GHR: variants seen among roughly 807,000 people sequenced by gnomAD.
GHR encodes the protein growth hormone receptor.
Under a neutral mutation model 67.1 loss-of-function variants are expected in GHR, and 35 were observed. The observed-to-expected ratio is 0.52, with a 90% CI of 0.40 to 0.69. The LOEUF is 0.69. GHR is among the 30% of genes least tolerant of loss of function. The pLI is 0.00. For missense variants in GHR, 792 were observed against 764.6 expected, an observed-to-expected ratio of 1.04 and a Z score of -0.42; for synonymous variants, 272 against 269.1, an observed-to-expected ratio of 1.01 and a Z score of -0.10.
intron 3 of GHR, among the ~76,000 whole-genome samples, chr5:42,675,357 A>T (rs548476300): frequency 6.6e-6 from 1 of 152,336 alleles, no homozygotes; most frequent in South Asian, 2.1e-4. Flanking sequence ...CTGACAGAAT[A>T]GTGTCCCCAC....
At chr5:42,481,903 C>T (rs1411192839) in intron 1 of GHR, among the ~76,000 whole-genome samples, 1 of 152,162 alleles carries the variant, frequency 6.6e-6, no homozygotes, top group African/African-American at 2.4e-5. Context: ...ATTCTCCATC[C>T]ATCTTTGTTC....
intron 4 of GHR, among the ~76,000 whole-genome samples, chr5:42,691,162 C>T (rs1757405004): frequency 6.6e-6 from 1 of 152,188 alleles, no homozygotes; most frequent in South Asian, 2.1e-4. Flanking sequence ...AAGGATGCTG[C>T]TGAAAGTGTG....
chr5:42,541,476 G>A (rs1384668703), intron 1 of GHR, among the ~76,000 whole-genome samples: 2 of 151,978 alleles, frequency 1.3e-5, no homozygotes, highest in African/African-American at 4.8e-5. Flanking sequence ...GTGAGAGTGG[G>A]GTTGGGAAAA....
intron 1 of GHR, among the ~76,000 whole-genome samples, chr5:42,509,686 C>A (rs1293581094): frequency 6.6e-6 from 1 of 151,848 alleles, no homozygotes; most frequent in African/African-American, 2.4e-5. Flanking sequence ...GTTGTCACCC[C>A]AACTTCTATT....
intron 2 of GHR, among the ~76,000 whole-genome samples, chr5:42,586,292 A>G (rs1751471548): frequency 6.6e-6 from 1 of 152,202 alleles, no homozygotes; most frequent in African/African-American, 2.4e-5. Flanking sequence ...AATATTTAGA[A>G]GAAAAGAAAA....
At chr5:42,431,844 G>T (rs114334239) in intron 1 of GHR, among the ~76,000 whole-genome samples, 2,666 of 152,270 alleles carry the variant, frequency 0.018, 68 homozygotes, top group African/African-American at 0.06. Context: ...CCCTGATAGA[G>T]AATTGGAACA....
intron 1 of GHR, chr5:42,465,328 T>G: frequency 1.4e-6 from 1 of 738,448 alleles, no homozygotes; most frequent in Non-Finnish European, 2.4e-6. Flanking sequence ...TGAAAATAAA[T>G]CTTTATTTTC....
chr5:42,474,257 C>CAGACAGAA (rs1182799025), intron 1 of GHR, among the ~76,000 whole-genome samples: 5 of 88,038 alleles, frequency 5.7e-5, no homozygotes, highest in African/African-American at 1.3e-4. Flanking sequence ...GAAAGACAGA[C>CAGACAGAA]AGAAAGAAAG....
At chr5:42,467,860 G>T in intron 1 of GHR, 1 of 928,652 alleles carries the variant, frequency 1.1e-6, no homozygotes, top group Non-Finnish European at 1.7e-6. Flanking sequence ...AATTAAGGCT[G>T]TATTTTCCCA....
chr5:42,662,555 A>G (rs1274133428), intron 3 of GHR, among the ~76,000 whole-genome samples: 2 of 152,206 alleles, frequency 1.3e-5, no homozygotes, highest in Non-Finnish European at 2.9e-5. Flanking sequence ...CTTTGAAACC[A>G]ACAAGAACAA....
chr5:42,534,150 A>G (rs1170161890), intron 1 of GHR, among the ~76,000 whole-genome samples: 6 of 147,692 alleles, frequency 4.1e-5, no homozygotes, highest in Admixed American at 2.8e-4. Flanking sequence ...GTATATATGT[A>G]TGTATATATA....
intron 2 of GHR, among the ~76,000 whole-genome samples, chr5:42,612,545 G>C (rs1440118925): frequency 6.6e-6 from 1 of 151,864 alleles, no homozygotes; most frequent in African/African-American, 2.4e-5. Flanking sequence ...TTACAAATGG[G>C]TAGTCCCTTC....
In GHR at chr5:42,699,844, G is replaced by A; in HGVS notation, c.460G>A (p.Ala154Thr). Residue 154 changes from alanine to threonine, a missense_variant, in exon 6 of 10, where the codon GCC becomes ACC. By Grantham distance (58) the Ala-to-Thr change is moderately conservative (BLOSUM62 0). Coordinates refer to ENST00000230882, the MANE Select transcript of GHR (RefSeq NM_000163.5). The stretch of plus-strand genomic sequence containing the variant: ...CACAGTGCAACCAGATCCACCCATT[G>A]CCCTCAACTGGACTTTACTGAACGT... ...DEIVQPDPPI[A>T]LNWTLLNVSL... is the part of the protein sequence containing the mutation. The A allele has an allele frequency of 6.2e-7, 1 of 1,610,804 alleles. No homozygotes were observed. Among genetic ancestry groups the A allele is most frequent in the Non-Finnish European group, 8.5e-7 (1 of 1,177,080 alleles).
At chr5:42,568,321 T>A (rs919726602) in intron 2 of GHR, among the ~76,000 whole-genome samples, 2 of 152,204 alleles carry the variant, frequency 1.3e-5, no homozygotes, top group Non-Finnish European at 2.9e-5. Context: ...TTGTAATAGA[T>A]GTTTTCTGTC....
chr5:42,614,257 C>G (rs1338584699), intron 2 of GHR, among the ~76,000 whole-genome samples: 2 of 151,850 alleles, frequency 1.3e-5, no homozygotes, highest in Non-Finnish European at 2.9e-5. Flanking sequence ...AGAAAGAAGC[C>G]TTTTTTAAAA....
At chr5:42,500,591 G>GAATAT (rs1746500950) in intron 1 of GHR, among the ~76,000 whole-genome samples, 1 of 152,182 alleles carries the variant, frequency 6.6e-6, no homozygotes, top group Non-Finnish European at 1.5e-5. Flanking sequence ...CACACTTAGA[G>GAATAT]AATATACAGC....
intron 1 of GHR, among the ~76,000 whole-genome samples, chr5:42,558,341 G>T (rs1398480276): frequency 2.6e-5 from 4 of 151,964 alleles, no homozygotes; most frequent in Non-Finnish European, 4.4e-5. Flanking sequence ...TACTTTATTT[G>T]TTCATTTTTG....
chr5:42,597,271 A>C (rs976970108), intron 2 of GHR, among the ~76,000 whole-genome samples: 1 of 152,230 alleles, frequency 6.6e-6, no homozygotes, highest in Non-Finnish European at 1.5e-5. Flanking sequence ...AAGTAACCTG[A>C]AGAACATAGA....
chr5:42,497,936 T>C (rs1226322402), intron 1 of GHR, among the ~76,000 whole-genome samples: 1 of 152,200 alleles, frequency 6.6e-6, no homozygotes, highest in East Asian at 1.9e-4. Flanking sequence ...CTTCAGGCCC[T>C]GAAGTCATAC....
Sources: allele counts gnomAD v4.1 joint callset (sites outside exome capture counted in the v4.1 genomes callset), GRCh38; gene constraint gnomAD v4.1.1; transcripts MANE v1.5; gene names NCBI Gene and HGNC (gene_info 2026-07-23, HGNC 2026-07-21).